ME1: variants seen among roughly 807,000 people sequenced by gnomAD.
ME1 encodes the protein malic enzyme 1, also known as NADP-dependent malic enzyme.
ME1 carries 74 observed loss-of-function variants against 66.4 expected under a neutral mutation model. That is an observed-to-expected ratio of 1.11 (90% CI 0.92 to 1.35). ME1 has a LOEUF of 1.35. Among genes scored for constraint, ME1 ranks in the 40% most tolerant of loss-of-function variants. The pLI, the probability that ME1 is intolerant of heterozygous loss-of-function variation, is 0.00. For missense variants in ME1, 750 were observed against 694.1 expected, an observed-to-expected ratio of 1.08 and a Z score of -0.90; for synonymous variants, 251 against 235.6, an observed-to-expected ratio of 1.07 and a Z score of -0.60.
At chr6:83,310,331 C>T (rs753806341) in intron 6 of ME1, among the ~76,000 whole-genome samples, 3 of 152,174 alleles carry the variant, frequency 2.0e-5, no homozygotes, top group Non-Finnish European at 4.4e-5. Flanking sequence ...GAGTTCCCCA[C>T]GGGATCAGGG....
At chr6:83,353,735 A>C (rs1198689662) in intron 3 of ME1, among the ~76,000 whole-genome samples, 3 of 152,176 alleles carry the variant, frequency 2.0e-5, no homozygotes, top group South Asian at 4.1e-4. Flanking sequence ...TCCTTTTGAC[A>C]TGTCTATAGT....
intron 5 of ME1, among the ~76,000 whole-genome samples, chr6:83,331,643 G>C (rs529206678): frequency 3.3e-5 from 5 of 150,676 alleles, no homozygotes; most frequent in Non-Finnish European, 7.4e-5. Context: ...AAGAAAAACT[G>C]TATGAAGACA....
chr6:83,262,506 T>C (rs1006456411), intron 6 of ME1, among the ~76,000 whole-genome samples: 1 of 152,212 alleles, frequency 6.6e-6, no homozygotes, highest in Non-Finnish European at 1.5e-5. Context: ...TTCTGTAGTT[T>C]GAATCACTAA....
At chr6:83,406,073 T>C (rs1769938288) in intron 2 of ME1, among the ~76,000 whole-genome samples, 1 of 152,190 alleles carries the variant, frequency 6.6e-6, no homozygotes, top group African/African-American at 2.4e-5. Flanking sequence ...CTTTTCTGCA[T>C]CTATTGAAAT....
intron 1 of ME1, among the ~76,000 whole-genome samples, chr6:83,409,644 G>A (rs1175771869): frequency 2.0e-5 from 3 of 152,192 alleles, no homozygotes; most frequent in Non-Finnish European, 2.9e-5. Flanking sequence ...AGACTGAAGA[G>A]AGACAAATTG....
At chr6:83,331,819 A>C (rs1022556007) in intron 5 of ME1, among the ~76,000 whole-genome samples, 2 of 152,170 alleles carry the variant, frequency 1.3e-5, no homozygotes, top group South Asian at 2.1e-4. Flanking sequence ...CCCTAAAAAA[A>C]AGAATATCCC....
At chr6:83,293,438 CT>C (rs1767539898) in intron 6 of ME1, among the ~76,000 whole-genome samples, 1 of 152,162 alleles carries the variant, frequency 6.6e-6, no homozygotes, top group African/African-American at 2.4e-5. Flanking sequence ...TTGGCAACCA[CT>C]TTCTAGTTTC....
intron 7 of ME1, among the ~76,000 whole-genome samples, chr6:83,250,492 A>G (rs1388872139): frequency 6.6e-6 from 1 of 152,218 alleles, no homozygotes; most frequent in Non-Finnish European, 1.5e-5. Flanking sequence ...TCTGCATTTA[A>G]CAGTGTCTCT....
chr6:83,359,163 T>C (rs1019981570), intron 3 of ME1, among the ~76,000 whole-genome samples: 132 of 151,234 alleles, frequency 8.7e-4, no homozygotes, highest in African/African-American at 3.1e-3. Flanking sequence ...CCAGACAGGG[T>C]GGTCGGGCAG....
chr6:83,332,878 A>G (rs1422564818), intron 5 of ME1, among the ~76,000 whole-genome samples: 1 of 152,156 alleles, frequency 6.6e-6, no homozygotes, highest in Non-Finnish European at 1.5e-5. Flanking sequence ...GTAACCAAAA[A>G]CCACTTGTAC....
chr6:83,291,906 C>T (rs1454657954), intron 6 of ME1, among the ~76,000 whole-genome samples: 2 of 151,910 alleles, frequency 1.3e-5, no homozygotes, highest in Non-Finnish European at 2.9e-5. Context: ...TCTGCTTGAT[C>T]GAATCGGCTA....
Position 83,227,419 on chromosome 6 carries a change from G to T in ME1, c.1191C>A (p.Phe397Leu). The change falls in exon 11 of 14, where the codon TTC becomes TTA. Residue 397 changes from phenylalanine to leucine, a missense_variant. By Grantham distance (22) the Phe-to-Leu change is conservative (BLOSUM62 0). Coordinates refer to ENST00000369705, the MANE Select transcript of ME1 (RefSeq NM_002395.6). ...AAGCAAAAATAATAGGCCGTTCATT[G>T]AAGGCAGCCATATCTTTGAGAATTT... is the stretch of plus-strand genomic sequence containing the variant. The part of the protein sequence containing the change: ...SEQILKDMAA[F>L]NERPIIFALS... The T allele has an allele frequency of 1.2e-6, 2 of 1,604,980 alleles. No homozygotes were observed. Among genetic ancestry groups the T allele is most frequent in the Non-Finnish European group, 1.7e-6 (2 of 1,174,092 alleles).
chr6:83,279,494 A>G (rs1200069229), intron 6 of ME1, among the ~76,000 whole-genome samples: 3 of 152,200 alleles, frequency 2.0e-5, no homozygotes, highest in African/African-American at 7.2e-5. Context: ...AGTACCAGAA[A>G]TAAAGACTGG....
At chr6:83,260,044 A>T (rs1766855979) in intron 6 of ME1, among the ~76,000 whole-genome samples, 1 of 152,178 alleles carries the variant, frequency 6.6e-6, no homozygotes, top group Non-Finnish European at 1.5e-5. Context: ...GAAATTTTAT[A>T]CTATGAATCT....
At chr6:83,349,989 A>G (rs372599693) in intron 4 of ME1, among the ~76,000 whole-genome samples, 1 of 152,186 alleles carries the variant, frequency 6.6e-6, no homozygotes, top group East Asian at 1.9e-4. Flanking sequence ...ACTTTGCTAG[A>G]AAAGTTTTCT....
intron 9 of ME1, among the ~76,000 whole-genome samples, chr6:83,237,457 AAAACT>A (rs1380890371): frequency 1.3e-5 from 2 of 152,092 alleles, no homozygotes; most frequent in African/African-American, 2.4e-5. Context: ...AGAAAGAAAG[AAAACT>A]AAACTAATTC....
chr6:83,277,256 A>G (rs75650688), intron 6 of ME1, among the ~76,000 whole-genome samples: 249 of 152,356 alleles, frequency 1.6e-3, no homozygotes, highest in African/African-American at 5.7e-3. Flanking sequence ...TTCACTGTCT[A>G]TAAGTTGTGT....
At chr6:83,309,595 CTGAGTATAAATGTGAAG>C (rs967417591) in intron 6 of ME1, among the ~76,000 whole-genome samples, 8 of 152,020 alleles carry the variant, frequency 5.3e-5, no homozygotes, top group Non-Finnish European at 7.4e-5. Flanking sequence ...TATTACAGAT[CTGAGTATAAATGTGAAG>C]TGGAGTTTTA....
rs777742357 is a variant in ME1 at position 83,407,907 on chromosome 6, G to C, written c.79-6C>G. 1.9e-6 allele frequency: 3 copies of C among 1,593,922 alleles called. No individual in the cohort carries two copies. The highest frequency in any genetic ancestry group is 2.6e-6 in the Non-Finnish European group (3 of 1,174,686). On this transcript the variant is annotated splice_polypyrimidine_tract_variant and splice_region_variant and intron_variant, in intron 1 of 13. Coordinates refer to ENST00000369705, the MANE Select transcript of ME1 (RefSeq NM_002395.6). ...TCCAGGGTAAAGGCCAAGTCCTATA[G>C]AGAAAAAACACACACACACACACAA...
Sources: gnomAD v4.1 joint callset for allele counts (sites outside exome capture counted in the v4.1 genomes callset) on GRCh38, gnomAD v4.1.1 for gene constraint, MANE v1.5 for transcripts, NCBI Gene and HGNC (gene_info 2026-07-23, HGNC 2026-07-21) for gene names.